COTL1: variants seen among roughly 807,000 people sequenced by gnomAD.
COTL1 encodes the protein coactosin like F-actin binding protein 1.
A neutral mutation model predicts 16.5 loss-of-function variants in COTL1; 15 were observed. The ratio of observed to expected loss-of-function variants is 0.91; its 90% CI spans 0.61 to 1.40. COTL1 has a LOEUF of 1.40. Ranked by LOEUF, COTL1 falls within the 40% of genes most tolerant of loss-of-function variation. The pLI is 0.00. For synonymous variants in COTL1, 112 were observed against 85.3 expected, an observed-to-expected ratio of 1.31 and a Z score of -1.73; for missense variants, 220 against 201.5, an observed-to-expected ratio of 1.09 and a Z score of -0.56.
At chr16:84,594,540 G>A (rs112044008) in intron 2 of COTL1, 1 of 152,350 alleles carries the variant, frequency 6.6e-6, no homozygotes, top group South Asian at 2.1e-4. Context: ...CAACACCAAA[G>A]TGCTTAATTA....
rs115024777 is a variant in COTL1 at position 84,592,453 on chromosome 16, G to A, written c.161-2191C>T. On this transcript the variant is annotated intron_variant, in intron 2 of 3. Coordinates refer to ENST00000262428, the MANE Select transcript of COTL1 (RefSeq NM_021149.5). The stretch of plus-strand genomic sequence containing the variant: ...CAGGCACCTAATGATATCGTAGAGC[G>A]ATATGTTTGCTTCTCAAACATTGTG... 3.5e-3 allele frequency among the ~76,000 whole-genome samples: 535 copies of A among 152,170 alleles called. 3 individuals are homozygous for A. The highest frequency in any genetic ancestry group is 0.012 in the African/African-American group (495 of 41,500).
chr16:84,568,006 A>ATT (rs1432619019), intron 3 of COTL1: 1 of 151,838 alleles, frequency 6.6e-6, no homozygotes, highest in Non-Finnish European at 1.5e-5. Flanking sequence ...AATGACCACC[A>ATT]TTTTTCTTTT....
At chr16:84,593,590 C>A (rs573304314) in intron 2 of COTL1, among the ~76,000 whole-genome samples, 36 of 151,854 alleles carry the variant, frequency 2.4e-4, no homozygotes, top group African/African-American at 8.2e-4. Flanking sequence ...CGGCTCACTG[C>A]AAGCTCCGCC....
intron 2 of COTL1, among the ~76,000 whole-genome samples, chr16:84,591,114 C>T (rs1904849783): frequency 6.6e-6 from 1 of 151,898 alleles, no homozygotes; most frequent in Non-Finnish European, 1.5e-5. Context: ...ATTTGTTTCA[C>T]AATCCACTAT....
chr16:84,607,033 TG>T (rs1336760166), intron 2 of COTL1, among the ~76,000 whole-genome samples: 1 of 152,066 alleles, frequency 6.6e-6, no homozygotes, highest in Non-Finnish European at 1.5e-5. Flanking sequence ...AACACACCCA[TG>T]GGGGAAAGAG....
chr16:84,616,905 C>A (rs1025646450), intron 2 of COTL1, among the ~76,000 whole-genome samples: 2 of 152,222 alleles, frequency 1.3e-5, no homozygotes, highest in African/African-American at 4.8e-5. Flanking sequence ...CCCTCCCCAT[C>A]AGTGGCTATC....
chr16:84,604,970 G>C (rs754203385), intron 2 of COTL1, among the ~76,000 whole-genome samples: 3 of 152,250 alleles, frequency 2.0e-5, no homozygotes, highest in Non-Finnish European at 2.9e-5. Context: ...CAAAAGTAGG[G>C]AAATCGGGAT....
intron 3 of COTL1, among the ~76,000 whole-genome samples, chr16:84,569,580 C>T (rs1904313984): frequency 6.6e-6 from 1 of 151,994 alleles, no homozygotes; most frequent in African/African-American, 2.4e-5. Context: ...TCTCGTTCAG[C>T]CCTCAGTATA....
chr16:84,604,411 A>C (rs936324236), intron 2 of COTL1, among the ~76,000 whole-genome samples: 1 of 142,362 alleles, frequency 7.0e-6, no homozygotes, highest in African/African-American at 2.7e-5. Flanking sequence ...ATGCTTTTTC[A>C]TCCTAAGATA....
At chr16:84,599,826 G>A (rs113395871) in intron 2 of COTL1, among the ~76,000 whole-genome samples, 2 of 152,194 alleles carry the variant, frequency 1.3e-5, no homozygotes, top group African/African-American at 2.4e-5. Context: ...GGAGCTCCCT[G>A]GAGCGAGGAT....
At chr16:84,574,788 T>C (rs1440525393) in intron 3 of COTL1, among the ~76,000 whole-genome samples, 2 of 152,064 alleles carry the variant, frequency 1.3e-5, no homozygotes, top group African/African-American at 2.4e-5. Context: ...TTCACCATGT[T>C]GGCCAGGCTG....
At chr16:84,595,469 T>A (rs1904979214) in intron 2 of COTL1, 3 of 152,062 alleles carry the variant, frequency 2.0e-5, no homozygotes, top group African/African-American at 7.2e-5. Context: ...CTGAAGGAGG[T>A]TCTCGGTCCC....
chr16:84,611,283 T>C (rs1392243922), intron 2 of COTL1, among the ~76,000 whole-genome samples: 2 of 152,210 alleles, frequency 1.3e-5, no homozygotes, highest in South Asian at 2.1e-4. Flanking sequence ...ATAAAACTGC[T>C]TGCAACACAT....
Position 84,598,649 on chromosome 16 carries a change from C to G in COTL1, c.161-8387G>C, listed in dbSNP as rs909603966. Among the ~76,000 whole-genome samples the G allele has an allele frequency of 5.1e-3, 199 of 38,918 alleles. 2 individuals carry two copies. The highest frequency in any genetic ancestry group is 0.011 in the African/African-American group (191 of 17,076). 25.5% of individuals were successfully genotyped at this position (38,918 alleles called of 152,430 possible). On this transcript the variant is annotated intron_variant, in intron 2 of 3. Transcript: ENST00000262428. ...CATCTGTGCCTCCTCCTCCCCTTCT[C>G]CCCCCCAACCCCCCCCACCAACCCC...
chr16:84,604,680 CCT>C (rs1392873443), intron 2 of COTL1, among the ~76,000 whole-genome samples: 2 of 152,138 alleles, frequency 1.3e-5, no homozygotes, highest in African/African-American at 2.4e-5. Flanking sequence ...TGGACACAGC[CCT>C]CTCTCTGTCC....
Position 84,566,954 on chromosome 16 carries a change from T to C in COTL1, c.320A>G (p.Asn107Ser). The change falls in exon 4 of 4, where the codon AAT becomes AGT. Residue 107 changes from asparagine to serine, a missense_variant and splice_region_variant. Coordinates refer to ENST00000262428, the MANE Select transcript of COTL1 (RefSeq NM_021149.5). ...DKTLVKEVVQ[N>S]FAKEFVISDR... ...ACTGATCACAAACTCCTTAGCGAAATTCTGCAAGAACAAAGGAAAACACAG... is the reference window on the plus strand; with the variant it reads ...ACTGATCACAAACTCCTTAGCGAAACTCTGCAAGAACAAAGGAAAACACAG... 1 of 1,609,474 alleles carries C rather than the reference T, an allele frequency of 6.2e-7. No individual in the cohort carries two copies. Among genetic ancestry groups the C allele is most frequent in the Non-Finnish European group, 8.5e-7 (1 of 1,175,878 alleles).
At chr16:84,617,689 G>A (rs558679610) in intron 1 of COTL1, 106 bp from the exon 2 acceptor site, 15 of 1,380,186 alleles carry the variant, frequency 1.1e-5, no homozygotes, top group Non-Finnish European at 1.4e-5. Context: ...CCACGGAGAA[G>A]CCCGCGGGGG....
intron 2 of COTL1, chr16:84,595,703 C>A (rs2914837): frequency 0.69 from 105,400 of 152,016 alleles, 37,170 homozygotes; most frequent in East Asian, 0.96. Context: ...AAACGCTGTC[C>A]TGTATATATT....
Position 84,590,360 on chromosome 16 carries a change from A to AG in COTL1, c.161-99dup. 1.4e-6 allele frequency: 2 copies of AG among 1,438,380 alleles called. No homozygotes were observed. The highest frequency in any genetic ancestry group is 1.9e-6 in the Non-Finnish European group (2 of 1,050,162). 89.1% of individuals were successfully genotyped at this position (1,438,380 alleles called of 1,614,324 possible). A position where few individuals can be genotyped will look rare whatever the true frequency, so the allele number is the denominator to read the frequency against. ...TGTGAGCCACGAGTGCGCCTGGAGC[A>AG]GCACAGCAGGAGACCGGTGCAGTTC... On this transcript the variant is annotated intron_variant, in intron 2 of 3. Coordinates refer to ENST00000262428, the MANE Select transcript of COTL1 (RefSeq NM_021149.5). The surrounding 1 kb of genome is among the most constrained non-coding windows in gnomAD (Gnocchi z 5.5).
Sources: gnomAD v4.1 joint callset for allele counts (sites outside exome capture counted in the v4.1 genomes callset) on GRCh38, gnomAD v4.1.1 for gene constraint, Gnocchi (gnomAD v3.1) non-coding constraint, MANE v1.5 for transcripts, NCBI Gene and HGNC (gene_info 2026-07-23, HGNC 2026-07-21) for gene names.